Variants in TSPAN5 observed in about 807,000 individuals in gnomAD.
The protein encoded by TSPAN5 is tetraspanin-5.
In TSPAN5, 10 loss-of-function variants were observed where a neutral mutation model predicts 37.1. The ratio of observed to expected loss-of-function variants is 0.27; its 90% confidence interval spans 0.17 to 0.46. The LOEUF (loss-of-function observed/expected upper bound fraction) is 0.46. Ranked by LOEUF, TSPAN5 falls within the 20% of genes least tolerant of loss-of-function variation. The pLI, the probability that TSPAN5 is intolerant of heterozygous loss-of-function variation, is 1.00. For missense variants in TSPAN5, 195 were observed against 326.6 expected (o/e 0.60, Z 3.11); for synonymous variants, 110 against 118.9 (o/e 0.93, Z 0.48).
At chr4:98,535,108 T>G (rs1454229451) in intron 1 of TSPAN5, among the ~76,000 whole-genome samples, 1 of 152,228 alleles carries the variant, frequency 6.6e-6, no homozygotes, top group Middle Eastern at 3.2e-3. Flanking sequence ...TGGTAGTTGA[T>G]GCAGTTTCTT....
At chr4:98,495,750 C>A (rs1396306309) in intron 2 of TSPAN5, among the ~76,000 whole-genome samples, 1 of 151,884 alleles carries the variant, frequency 6.6e-6, no homozygotes, top group Non-Finnish European at 1.5e-5. Context: ...CACCAATAAA[C>A]TTCAGGAGTG....
chr4:98,576,695 C>T (rs1755243859), intron 1 of TSPAN5, among the ~76,000 whole-genome samples: 1 of 152,086 alleles, frequency 6.6e-6, no homozygotes, highest in Non-Finnish European at 1.5e-5. Flanking sequence ...AAGCAAGACC[C>T]TGTCTCAAAA....
intron 1 of TSPAN5, among the ~76,000 whole-genome samples, chr4:98,590,310 G>A (rs1755594175): frequency 6.6e-6 from 1 of 152,166 alleles, no homozygotes; most frequent in African/African-American, 2.4e-5. Flanking sequence ...TGCCTATGAT[G>A]TGCCAGGCAC....
intron 1 of TSPAN5, among the ~76,000 whole-genome samples, chr4:98,548,779 CCTTT>C (rs753955519): frequency 1.3e-5 from 2 of 152,082 alleles, no homozygotes; most frequent in Non-Finnish European, 2.9e-5. Context: ...GTGGCATTTG[CCTTT>C]CTGTTTCTGA....
intron 2 of TSPAN5, among the ~76,000 whole-genome samples, chr4:98,495,991 C>T (rs1753203022): frequency 6.6e-6 from 1 of 152,150 alleles, no homozygotes; most frequent in Non-Finnish European, 1.5e-5. Context: ...AGATGGACCC[C>T]TTTGAGATTT....
At chr4:98,574,818 A>AAG (rs1250688663) in intron 1 of TSPAN5, 17 of 152,332 alleles carry the variant, frequency 1.1e-4, no homozygotes, top group Admixed American at 9.8e-4. Flanking sequence ...ATTACTGAAG[A>AAG]AGTTAGAGGC....
chr4:98,548,624 A>ATG (rs1754525581), intron 1 of TSPAN5, among the ~76,000 whole-genome samples: 1 of 152,020 alleles, frequency 6.6e-6, no homozygotes, highest in Non-Finnish European at 1.5e-5. Context: ...CCATCACCTA[A>ATG]ATAGTAAACT....
At chr4:98,497,789 T>C (rs1251367503) in intron 2 of TSPAN5, among the ~76,000 whole-genome samples, 1 of 152,022 alleles carries the variant, frequency 6.6e-6, no homozygotes, top group Non-Finnish European at 1.5e-5. Flanking sequence ...ACAGAGTGCA[T>C]GGAGCAGAGG....
At chr4:98,503,114 A>G (rs1224819286) in intron 2 of TSPAN5, among the ~76,000 whole-genome samples, 1 of 151,994 alleles carries the variant, frequency 6.6e-6, no homozygotes, top group Non-Finnish European at 1.5e-5. Flanking sequence ...GGGCTGAAAT[A>G]TCACTGTGTC....
rs1194318640 is a variant in TSPAN5 at position 98,533,939 on chromosome 4, T to TAAAAA, written c.82-26216_82-26212dup. 6.7e-4 allele frequency among the ~76,000 whole-genome samples: 21 copies of TAAAAA among 31,140 alleles called. 3 individuals are homozygous for TAAAAA. The South Asian group carries it at 9.3e-3, about 14-fold the overall frequency. 20.4% of individuals were successfully genotyped at this position (31,140 alleles called of 152,430 possible). On this transcript the variant is annotated intron_variant, in intron 1 of 7. Transcript: ENST00000305798. Reference sequence around the variant, plus strand: ...AGTGGTCTATCCATTTTGTTGATCTTAAAAAAAAAAAAAAAAAAAAAAACC... The same window carrying TAAAAA: ...AGTGGTCTATCCATTTTGTTGATCTTAAAAAAAAAAAAAAAAAAAAAAAAAAAACC...
chr4:98,571,011 C>CAA (rs552957169), intron 1 of TSPAN5, among the ~76,000 whole-genome samples: 33 of 144,222 alleles, frequency 2.3e-4, no homozygotes, highest in Middle Eastern at 7.0e-3. Flanking sequence ...GACTCTATCT[C>CAA]AAAAAAAAAA....
intron 1 of TSPAN5, among the ~76,000 whole-genome samples, chr4:98,540,754 A>T (rs1224644701): frequency 6.6e-6 from 1 of 152,196 alleles, no homozygotes. Flanking sequence ...AATGCCTTCT[A>T]TCCTGGGATT....
chr4:98,592,114 TA>T (rs773943217), intron 1 of TSPAN5, among the ~76,000 whole-genome samples: 14 of 151,396 alleles, frequency 9.2e-5, no homozygotes, highest in Non-Finnish European at 2.1e-4. Context: ...CACTTTTCAA[TA>T]AATAGTGTTA....
At chr4:98,616,145 A>G (rs564101774) in intron 1 of TSPAN5, among the ~76,000 whole-genome samples, 1 of 152,036 alleles carries the variant, frequency 6.6e-6, no homozygotes, top group South Asian at 2.1e-4. Context: ...ACGTTAGCTC[A>G]ACCCACTTGG....
At position 98,476,252 on chromosome 4, in the gene TSPAN5, C is replaced by T. The variant is rs200093346; in HGVS notation, c.678G>A (p.Glu226=). 90 of 1,614,226 alleles carry T rather than the reference C, an allele frequency of 5.6e-5. 2 individuals are homozygous for T. The South Asian group carries it at 9.0e-4, about 16-fold the overall frequency. The change falls in exon 7 of 8, where the codon GAG becomes GAA. Residue 226 remains glutamate, a synonymous_variant. Transcript: ENST00000305798. ...IYTKGCVPQF[E]KWLQDNLTIV... The stretch of plus-strand genomic sequence containing the variant: ...TGGTTAAATTGTCCTGCAACCACTT[C>T]TCAAACTGGGGCACACAGCCTTTCG...
intron 2 of TSPAN5, among the ~76,000 whole-genome samples, chr4:98,502,448 C>G (rs937538007): frequency 2.6e-5 from 4 of 152,138 alleles, no homozygotes; most frequent in African/African-American, 9.7e-5. Flanking sequence ...GGTATGGAAA[C>G]CAGGAGAGTG....
intron 1 of TSPAN5, among the ~76,000 whole-genome samples, chr4:98,523,331 A>T (rs1261770137): frequency 1.3e-5 from 2 of 152,256 alleles, no homozygotes; most frequent in African/African-American, 2.4e-5. Context: ...AAGTGGCATG[A>T]CATTAAAGTG....
chr4:98,523,702 G>A (rs996068121), intron 1 of TSPAN5, among the ~76,000 whole-genome samples: 3 of 152,196 alleles, frequency 2.0e-5, no homozygotes, highest in African/African-American at 7.2e-5. Context: ...GCCTCCCAAA[G>A]TGCTGGGATT....
intron 1 of TSPAN5, among the ~76,000 whole-genome samples, chr4:98,521,970 C>A (rs570797159): frequency 6.6e-6 from 1 of 152,146 alleles, no homozygotes; most frequent in Non-Finnish European, 1.5e-5. Context: ...ATATATCATT[C>A]TTTCATTTTA....
Sources: allele counts gnomAD v4.1 joint callset (sites outside exome capture counted in the v4.1 genomes callset), GRCh38; gene constraint gnomAD v4.1.1; transcripts MANE v1.5; gene names NCBI Gene and HGNC (gene_info 2026-07-23, HGNC 2026-07-21).